The following ANKRD44 variants were observed in gnomAD, a reference collection of about 807,000 sequenced individuals.
The protein encoded by ANKRD44 is ankyrin repeat domain 44.
ANKRD44 carries 35 observed loss-of-function variants against 116.0 expected under a neutral mutation model. That is an observed-to-expected ratio of 0.30 (90% CI 0.23 to 0.40). The LOEUF (loss-of-function observed/expected upper bound fraction) is 0.40, where lower values mean the gene tolerates loss of function less well. ANKRD44 is among the 10% of genes least tolerant of loss of function. The pLI, the probability that ANKRD44 is intolerant of heterozygous loss-of-function variation, is 1.00. For missense variants in ANKRD44, 1,014 were observed against 1,242.6 expected, an observed-to-expected ratio of 0.82 and a Z score of 2.77; for synonymous variants, 435 against 461.8, an observed-to-expected ratio of 0.94 and a Z score of 0.74.
intron 1 of ANKRD44, among the ~76,000 whole-genome samples, chr2:197,191,068 C>T (rs2080810835): frequency 6.6e-6 from 1 of 152,138 alleles, no homozygotes; most frequent in Non-Finnish European, 1.5e-5. Context: ...AATTTAAATT[C>T]CTAAGAGAGG....
rs527645788 is a variant in ANKRD44 at position 196,973,384 on chromosome 2, A to T, written c.2369-5938T>A. 3.3e-5 allele frequency among the ~76,000 whole-genome samples: 5 copies of T among 152,202 alleles called. No homozygotes were observed. The East Asian group carries it at 9.6e-4, about 29-fold the overall frequency. On this transcript the variant is annotated intron_variant, in intron 21 of 21. Transcript: ENST00000424317. ...TATTAAAAATATTTCCCTTTCTATC[A>T]TTTGACTTTAACTTTGCTTATGATG...
intron 1 of ANKRD44, among the ~76,000 whole-genome samples, chr2:197,213,281 G>A (rs553030961): frequency 4.6e-5 from 7 of 152,250 alleles, no homozygotes; most frequent in South Asian, 2.1e-4. Context: ...TTACACAAGC[G>A]GTCTATAAAG....
chr2:196,996,142 C>G (rs1050265936), intron 25 of ANKRD44, among the ~76,000 whole-genome samples: 18 of 152,188 alleles, frequency 1.2e-4, no homozygotes, highest in African/African-American at 3.9e-4. Flanking sequence ...GGCGTGCAGA[C>G]CAGTCACATT....
intron 1 of ANKRD44, among the ~76,000 whole-genome samples, chr2:197,274,110 G>A (rs1036404422): frequency 4.0e-5 from 6 of 149,018 alleles, no homozygotes; most frequent in African/African-American, 1.5e-4. Flanking sequence ...CCAAATGACT[G>A]AATGAATGAA....
intron 1 of ANKRD44, chr2:197,263,307 G>T: frequency 1.5e-6 from 1 of 666,604 alleles, no homozygotes; most frequent in African/African-American, 1.9e-5. Context: ...GCCATTTCAA[G>T]GGACATCGAC....
At chr2:197,277,672 TA>T (rs1456728069) in intron 1 of ANKRD44, among the ~76,000 whole-genome samples, 2 of 152,264 alleles carry the variant, frequency 1.3e-5, no homozygotes, top group Non-Finnish European at 2.9e-5. Flanking sequence ...ACCACGCAGC[TA>T]ATACTCAAGC....
rs397835539 is a variant in ANKRD44, at chr2:197,061,796, T to TTTC, written c.1650+16906_1650+16907insGAA. Among the ~76,000 whole-genome samples the TTTC allele has an allele frequency of 2.7e-5, 4 of 150,200 alleles. 1 individual carries two copies. Among genetic ancestry groups the TTTC allele is most frequent in the Admixed American group, 1.3e-4 (2 of 15,064 alleles). On this transcript the variant is annotated intron_variant, in intron 16 of 27. Coordinates refer to ENST00000282272, the MANE Select transcript of ANKRD44 (RefSeq NM_001195144.2). ...TAATATCCATGCCTTTTTTTTTTTT[T>TTTC]CTGAGGCAGAGTCTCACTCTATTGT...
intron 16 of ANKRD44, among the ~76,000 whole-genome samples, chr2:197,075,571 A>C (rs774389979): frequency 7.2e-5 from 11 of 152,350 alleles, no homozygotes; most frequent in Middle Eastern, 3.4e-3. Context: ...ATACTGGCCT[A>C]AATAGGTAGA....
chr2:197,086,182 A>C (rs937544600), intron 13 of ANKRD44, among the ~76,000 whole-genome samples: 6 of 152,164 alleles, frequency 3.9e-5, no homozygotes, highest in African/African-American at 1.4e-4. Context: ...TGAAAAATAT[A>C]TATCCATGTA....
intron 16 of ANKRD44, among the ~76,000 whole-genome samples, chr2:197,053,235 C>A (rs537287084): frequency 5.9e-5 from 9 of 152,158 alleles, no homozygotes. Context: ...CCCACACCCA[C>A]ATCCATTTGC....
At chr2:197,235,158 A>G (rs532428001) in intron 1 of ANKRD44, among the ~76,000 whole-genome samples, 75 of 152,272 alleles carry the variant, frequency 4.9e-4, no homozygotes, top group African/African-American at 1.7e-3. Flanking sequence ...CTGGTGTGCC[A>G]TAAGGAATCA....
At chr2:197,181,534 A>C (rs577854438) in intron 2 of ANKRD44, among the ~76,000 whole-genome samples, 34 of 152,206 alleles carry the variant, frequency 2.2e-4, no homozygotes, top group Non-Finnish European at 8.8e-5. Flanking sequence ...GGAAGTTTCA[A>C]TTTACGTGCA....
At position 197,115,920 on chromosome 2, in the gene ANKRD44, G is replaced by T. The variant is rs554727396; in HGVS notation, c.907-5076C>A. Among the ~76,000 whole-genome samples, 8 of 152,294 alleles carry T rather than the reference G, an allele frequency of 5.3e-5. No individual in the cohort carries two copies. The South Asian group carries it at 1.7e-3, about 32-fold the overall frequency. ...GAATAGATGAAGGGAGACTGAGAATGAAGGCTAGATTTGATTCAAAATCCT... is the reference window on the plus strand; with the variant it reads ...GAATAGATGAAGGGAGACTGAGAATTAAGGCTAGATTTGATTCAAAATCCT... On this transcript the variant is annotated intron_variant, in intron 8 of 27. Coordinates refer to ENST00000282272, the MANE Select transcript of ANKRD44 (RefSeq NM_001195144.2).
intron 21 of ANKRD44, among the ~76,000 whole-genome samples, chr2:196,979,554 C>CTTTTTTTTTTTTTTTTTTTTTTTTTTTT (rs71012942): frequency 1.7e-5 from 1 of 59,634 alleles, no homozygotes; most frequent in Non-Finnish European, 3.0e-5. Flanking sequence ...AATAAGATGA[C>CTTTTTTTTTTTTTTTTTTTTTTTTTTTT]TTTTTTTTTT....
intron 16 of ANKRD44, among the ~76,000 whole-genome samples, chr2:197,052,308 C>G (rs1029859968): frequency 1.3e-5 from 2 of 152,250 alleles, no homozygotes; most frequent in Non-Finnish European, 2.9e-5. Flanking sequence ...TACGAATAGC[C>G]TTTCTTGATC....
chr2:197,108,420 C>A (rs1371278883), intron 9 of ANKRD44, among the ~76,000 whole-genome samples: 1 of 152,160 alleles, frequency 6.6e-6, no homozygotes, highest in African/African-American at 2.4e-5. Context: ...ATTCAGGCCC[C>A]TGGACCCCAC....
At chr2:197,236,138 T>C (rs1013226536) in intron 1 of ANKRD44, among the ~76,000 whole-genome samples, 1 of 152,200 alleles carries the variant, frequency 6.6e-6, no homozygotes, top group Non-Finnish European at 1.5e-5. Context: ...CTACTCCTTC[T>C]GCAGGGCAAA....
intron 23 of ANKRD44, 27 bp from the exon 24 acceptor site, chr2:196,999,079 T>C: frequency 1.2e-6 from 2 of 1,611,022 alleles, no homozygotes; most frequent in Non-Finnish European, 1.7e-6. Context: ...AGTATCACTT[T>C]AGTTTCCTTT....
At chr2:197,071,388 G>T (rs2077556078) in intron 16 of ANKRD44, among the ~76,000 whole-genome samples, 1 of 152,178 alleles carries the variant, frequency 6.6e-6, no homozygotes, top group Middle Eastern at 3.4e-3. Context: ...TCACTTTGTT[G>T]TACTTTCATT....
Sources: allele counts gnomAD v4.1 joint callset (sites outside exome capture counted in the v4.1 genomes callset), GRCh38; gene constraint gnomAD v4.1.1; transcripts MANE v1.5; gene names NCBI Gene and HGNC (gene_info 2026-07-23, HGNC 2026-07-21).